DAB1: variants seen among roughly 807,000 people sequenced by gnomAD.
The protein encoded by DAB1 is DAB adaptor protein 1.
Under a neutral mutation model 64.6 loss-of-function variants are expected in DAB1, and 15 were observed. That is an observed-to-expected ratio of 0.23 (90% CI 0.16 to 0.36). The LOEUF (loss-of-function observed/expected upper bound fraction) is 0.36, where lower values mean the gene tolerates loss of function less well. Ranked by LOEUF, DAB1 falls within the 10% of genes least tolerant of loss-of-function variation. The probability of loss-of-function intolerance (pLI) is 1.00; values close to 1 mark genes in which losing one functional copy is unlikely to be tolerated. For missense variants in DAB1, 596 were observed against 706.7 expected (o/e 0.84, Z 1.78); for synonymous variants, 235 against 251.9 (o/e 0.93, Z 0.64).
intron 2 of DAB1, among the ~76,000 whole-genome samples, chr1:57,280,484 A>C (rs1331257991): frequency 1.3e-5 from 2 of 152,030 alleles, no homozygotes; most frequent in Non-Finnish European, 2.9e-5. Flanking sequence ...AAAGACAAAG[A>C]CTCTCCAGCT....
At chr1:57,157,649 A>G (rs991984946) in intron 2 of DAB1, among the ~76,000 whole-genome samples, 2 of 152,084 alleles carry the variant, frequency 1.3e-5, no homozygotes, top group Admixed American at 6.6e-5. Context: ...TCCCATCATG[A>G]ATACTCTACT....
chr1:58,459,274 C>T (rs558390992), intron 3 of DAB1, among the ~76,000 whole-genome samples: 129 of 152,320 alleles, frequency 8.5e-4, no homozygotes, highest in African/African-American at 2.7e-3. Flanking sequence ...TCACTGTTTC[C>T]GAGGTTCAGA....
Position 57,011,171 on chromosome 1 carries a change from G to A in DAB1, c.1546C>T (p.Pro516Ser). Residue 516 changes from proline to serine, a missense_variant, in exon 13 of 15, where the codon CCC becomes TCC. Around this residue, in one of 3 missense-constraint regions of DAB1, gnomAD observed 377 missense variants for 400.4 expected, o/e 0.94. Transcript: ENST00000371236. ...GCTTCTTGCTCTTCGCTTTTGCTGG[G>A]ACTTTCAAAGCCCTCTTCAAAGATG... The part of the protein sequence containing the change: ...DDIFEEGFES[P>S]SKSEEQEAPD... The A allele has an allele frequency of 6.2e-7, 1 of 1,614,018 alleles. No individual in the cohort carries two copies. The highest frequency in any genetic ancestry group is 1.6e-4 in the Middle Eastern group (1 of 6,062).
chr1:58,380,943 A>G (rs1002183868), intron 3 of DAB1, among the ~76,000 whole-genome samples: 2 of 152,244 alleles, frequency 1.3e-5, no homozygotes, highest in African/African-American at 4.8e-5. Context: ...CATATACACC[A>G]TGGAATACTA....
chr1:58,422,775 T>A (rs574926223), intron 3 of DAB1, among the ~76,000 whole-genome samples: 1 of 151,872 alleles, frequency 6.6e-6, no homozygotes, highest in African/African-American at 2.4e-5. Context: ...CCCATGATGC[T>A]GTTTGGTGGA....
chr1:57,660,609 A>G (rs1209200128), intron 6 of DAB1, among the ~76,000 whole-genome samples: 1 of 152,204 alleles, frequency 6.6e-6, no homozygotes, highest in African/African-American at 2.4e-5. Context: ...TTTACACTGA[A>G]ACACTCACTC....
chr1:58,401,432 C>A (rs1211177392), intron 3 of DAB1, among the ~76,000 whole-genome samples: 1 of 152,176 alleles, frequency 6.6e-6, no homozygotes, highest in Non-Finnish European at 1.5e-5. Context: ...TTAAGACCCA[C>A]CCATCACCTT....
intron 2 of DAB1, among the ~76,000 whole-genome samples, chr1:57,178,737 G>A (rs983907503): frequency 7.2e-5 from 11 of 151,846 alleles, no homozygotes; most frequent in South Asian, 4.2e-4. Flanking sequence ...TAATTACTCC[G>A]AGGTTAACCA....
chr1:58,389,569 C>G (rs1429093594), intron 3 of DAB1, among the ~76,000 whole-genome samples: 1 of 152,202 alleles, frequency 6.6e-6, no homozygotes, highest in Admixed American at 6.5e-5. Context: ...TTTCTACTTA[C>G]ACTTACATCA....
chr1:58,043,429 TA>T (rs1208669779), intron 5 of DAB1, among the ~76,000 whole-genome samples: 1 of 152,206 alleles, frequency 6.6e-6, no homozygotes, highest in African/African-American at 2.4e-5. Flanking sequence ...AGAGACAGTC[TA>T]GCCCAAACCC....
intron 7 of DAB1, among the ~76,000 whole-genome samples, chr1:57,524,123 C>A (rs1644563634): frequency 6.6e-6 from 1 of 151,646 alleles, no homozygotes; most frequent in African/African-American, 2.4e-5. Flanking sequence ...AGAATCAACT[C>A]AGGAAACAAA....
intron 6 of DAB1, among the ~76,000 whole-genome samples, chr1:57,812,351 G>C (rs1002687970): frequency 7.1e-6 from 1 of 141,828 alleles, no homozygotes; most frequent in Non-Finnish European, 1.5e-5. Context: ...AAGAAAGAAA[G>C]AAAAGAAAGA....
intron 1 of DAB1, among the ~76,000 whole-genome samples, chr1:57,850,817 C>T (rs780971693): frequency 2.0e-5 from 3 of 152,148 alleles, no homozygotes; most frequent in South Asian, 2.1e-4. Flanking sequence ...AACAGCTGTG[C>T]GTGACTTGAA....
intron 6 of DAB1, among the ~76,000 whole-genome samples, chr1:57,771,334 T>C (rs1321525618): frequency 1.3e-5 from 2 of 152,114 alleles, no homozygotes; most frequent in South Asian, 2.1e-4. Context: ...ATCTCTGAAA[T>C]AGAATAATTA....
chr1:57,846,771 T>C (rs974032549), intron 1 of DAB1, among the ~76,000 whole-genome samples: 2 of 152,206 alleles, frequency 1.3e-5, no homozygotes, highest in Admixed American at 1.3e-4. Flanking sequence ...ATTCTATCTA[T>C]GGAAGAATGG....
At chr1:58,186,783 G>A (rs2225949) in intron 4 of DAB1, among the ~76,000 whole-genome samples, 2 of 151,952 alleles carry the variant, frequency 1.3e-5, no homozygotes, top group Admixed American at 6.5e-5. Flanking sequence ...TTGGTTGACG[G>A]AATTGGGCCA....
intron 4 of DAB1, chr1:58,228,649 A>G: frequency 1.0e-6 from 1 of 974,370 alleles, no homozygotes. Context: ...GCCAAAGCAA[A>G]GCAAATGAGG....
At chr1:57,457,050 A>G (rs1036420294) in intron 7 of DAB1, among the ~76,000 whole-genome samples, 5 of 152,180 alleles carry the variant, frequency 3.3e-5, no homozygotes, top group Admixed American at 1.3e-4. Flanking sequence ...GCGAGGCCCC[A>G]TTTTCACAAA....
chr1:57,986,721 A>G (rs1347859287), intron 5 of DAB1, among the ~76,000 whole-genome samples: 1 of 152,194 alleles, frequency 6.6e-6, no homozygotes, highest in Non-Finnish European at 1.5e-5. Context: ...AGTGTCTTCC[A>G]AAGTCATTTC....
Sources: allele counts gnomAD v4.1 joint callset (sites outside exome capture counted in the v4.1 genomes callset), GRCh38; gene constraint gnomAD v4.1.1; regional missense constraint gnomAD v4.1.1; transcripts MANE v1.5; gene names NCBI Gene and HGNC (gene_info 2026-07-23, HGNC 2026-07-21).